Variants in FAM107B observed in about 807,000 individuals in gnomAD.
FAM107B encodes protein FAM107B.
A neutral mutation model predicts 31.5 loss-of-function variants in FAM107B; 21 were observed. That is an observed-to-expected ratio of 0.67 (90% CI 0.47 to 0.96). The LOEUF (loss-of-function observed/expected upper bound fraction) is 0.96, where lower values mean the gene tolerates loss of function less well. Among genes scored for constraint, FAM107B ranks in the 40% least tolerant of loss-of-function variants. The probability of loss-of-function intolerance (pLI) is 0.00; values close to 1 mark genes in which losing one functional copy is unlikely to be tolerated. For synonymous variants in FAM107B, 157 were observed against 141.5 expected (o/e 1.11, Z -0.78); for missense variants, 452 against 377.1 (o/e 1.20, Z -1.64).
intron 2 of FAM107B, among the ~76,000 whole-genome samples, chr10:14,531,659 T>C (rs1474955294): frequency 2.0e-5 from 3 of 151,316 alleles, no homozygotes; most frequent in African/African-American, 7.3e-5. Flanking sequence ...CTGGCCAATA[T>C]GATGAAACCC....
At chr10:14,716,987 G>C (rs950459201) in intron 1 of FAM107B, among the ~76,000 whole-genome samples, 2 of 152,112 alleles carry the variant, frequency 1.3e-5, no homozygotes, top group Non-Finnish European at 2.9e-5. Flanking sequence ...CTACTCGGGA[G>C]GCTGAGGCAA....
chr10:14,628,115 T>TTTTG (rs1853217649), intron 2 of FAM107B, among the ~76,000 whole-genome samples: 1 of 120,260 alleles, frequency 8.3e-6, no homozygotes, highest in Non-Finnish European at 1.7e-5. Flanking sequence ...TTTGCTGGTT[T>TTTTG]TTTTTTTTTT....
At chr10:14,710,671 A>C (rs1021140222) in intron 1 of FAM107B, among the ~76,000 whole-genome samples, 4 of 152,198 alleles carry the variant, frequency 2.6e-5, no homozygotes, top group African/African-American at 9.7e-5. Context: ...GCCTGGGCTC[A>C]TAATGTGTGT....
chr10:14,564,213 G>C (rs944238601), intron 2 of FAM107B, among the ~76,000 whole-genome samples: 6 of 152,112 alleles, frequency 3.9e-5, no homozygotes, highest in African/African-American at 1.4e-4. Context: ...AGAATGAAGA[G>C]TTTAACAGAT....
chr10:14,525,921 G>T (rs1166145156), intron 3 of FAM107B, among the ~76,000 whole-genome samples: 1 of 152,180 alleles, frequency 6.6e-6, no homozygotes, highest in Non-Finnish European at 1.5e-5. Flanking sequence ...ACTTTGAAAG[G>T]TACATTTCAC....
intron 1 of FAM107B, among the ~76,000 whole-genome samples, chr10:14,703,122 C>T (rs186005078): frequency 6.6e-6 from 1 of 152,220 alleles, no homozygotes; most frequent in Non-Finnish European, 1.5e-5. Context: ...GAGGTAAGGC[C>T]ACAAAGGTTG....
intron 2 of FAM107B, among the ~76,000 whole-genome samples, chr10:14,568,775 G>A (rs1392498502): frequency 6.6e-6 from 1 of 151,348 alleles, no homozygotes; most frequent in Non-Finnish European, 1.5e-5. Flanking sequence ...AGCACCTGGT[G>A]GAAGAGGCTG....
At chr10:14,638,674 C>T (rs1482518430) in intron 2 of FAM107B, among the ~76,000 whole-genome samples, 5 of 152,164 alleles carry the variant, frequency 3.3e-5, no homozygotes, top group Non-Finnish European at 1.5e-5. Context: ...TCACTCATCC[C>T]TTATCCAGTT....
chr10:14,535,081 A>G (rs1847472116), intron 2 of FAM107B, among the ~76,000 whole-genome samples: 1 of 152,238 alleles, frequency 6.6e-6, no homozygotes. Flanking sequence ...CTTTGCAAGC[A>G]AATATTATTA....
At position 14,700,849 on chromosome 10, in the gene FAM107B, A is replaced by T. The variant is rs1855382217; in HGVS notation, c.412-33158T>A. 1.8e-5 allele frequency among the ~76,000 whole-genome samples: 2 copies of T among 111,422 alleles called. 1 individual carries two copies. Among genetic ancestry groups the T allele is most frequent in the Middle Eastern group, 7.9e-3 (2 of 252 alleles). 73.1% of individuals were successfully genotyped at this position (111,422 alleles called of 152,430 possible). Reference sequence around the variant, plus strand: ...AGGCAAAAAAAAAAAAAAAAAAAAAAAAACGCACTAGGGTGAGTGCAAAAG... The same window carrying T: ...AGGCAAAAAAAAAAAAAAAAAAAAATAAACGCACTAGGGTGAGTGCAAAAG... On this transcript the variant is annotated intron_variant, in intron 1 of 4. Coordinates refer to ENST00000181796, the MANE Select transcript of FAM107B (RefSeq NM_031453.4).
intron 1 of FAM107B, among the ~76,000 whole-genome samples, chr10:14,731,154 A>T (rs1856163138): frequency 6.6e-6 from 1 of 152,212 alleles, no homozygotes; most frequent in South Asian, 2.1e-4. Flanking sequence ...CCATTGGTCC[A>T]TTTATTGAGT....
intron 2 of FAM107B, among the ~76,000 whole-genome samples, chr10:14,541,277 T>C (rs1157306309): frequency 6.6e-6 from 1 of 152,196 alleles, no homozygotes; most frequent in Non-Finnish European, 1.5e-5. Flanking sequence ...AGATCAGGGC[T>C]ACCAAGCCGA....
At chr10:14,626,196 C>A (rs892149933) in intron 2 of FAM107B, among the ~76,000 whole-genome samples, 1 of 152,134 alleles carries the variant, frequency 6.6e-6, no homozygotes, top group African/African-American at 2.4e-5. Flanking sequence ...GCCCCTGGGT[C>A]GCCTGGGATT....
At chr10:14,652,378 T>C (rs1023133363) in intron 2 of FAM107B, among the ~76,000 whole-genome samples, 1 of 152,126 alleles carries the variant, frequency 6.6e-6, no homozygotes, top group Non-Finnish European at 1.5e-5. Context: ...AGAGAGAAAT[T>C]CTCAACTCTG....
chr10:14,742,771 T>C (rs972113036), intron 1 of FAM107B, among the ~76,000 whole-genome samples: 2 of 152,154 alleles, frequency 1.3e-5, no homozygotes, highest in Non-Finnish European at 2.9e-5. Flanking sequence ...TCCTGCCCTA[T>C]CTTGTTTCTT....
chr10:14,599,820 C>G (rs1233843743), intron 2 of FAM107B, among the ~76,000 whole-genome samples: 1 of 151,098 alleles, frequency 6.6e-6, no homozygotes, highest in Admixed American at 6.6e-5. Context: ...CAGCGTGTAC[C>G]CTGCTGTGGG....
intron 2 of FAM107B, among the ~76,000 whole-genome samples, chr10:14,555,495 T>C (rs1035714969): frequency 3.3e-5 from 5 of 152,268 alleles, no homozygotes; most frequent in Non-Finnish European, 5.9e-5. Flanking sequence ...ATTTTACTTC[T>C]GTCTTTAATC....
chr10:14,540,093 GAAGCCCCA>G (rs995209343), intron 2 of FAM107B, among the ~76,000 whole-genome samples: 5 of 152,234 alleles, frequency 3.3e-5, no homozygotes, highest in African/African-American at 7.2e-5. Flanking sequence ...AGTCCCATCT[GAAGCCCCA>G]AAGCACAGAA....
intron 1 of FAM107B, among the ~76,000 whole-genome samples, chr10:14,759,568 T>C (rs960173049): frequency 2.0e-5 from 3 of 152,240 alleles, no homozygotes; most frequent in South Asian, 2.1e-4. Context: ...GGGGGCGCTG[T>C]CATTTTGTCT....
Sources: allele counts gnomAD v4.1 joint callset (sites outside exome capture counted in the v4.1 genomes callset), GRCh38; gene constraint gnomAD v4.1.1; transcripts MANE v1.5; gene names NCBI Gene and HGNC (gene_info 2026-07-23, HGNC 2026-07-21).